CD247: variants seen among roughly 807,000 people sequenced by gnomAD.
The protein encoded by CD247 is CD247 molecule.
CD247 carries 13 observed loss-of-function variants against 30.0 expected under a neutral mutation model. The ratio of observed to expected loss-of-function variants is 0.43; its 90% CI spans 0.28 to 0.69. The LOEUF (loss-of-function observed/expected upper bound fraction) is 0.69, where lower values mean the gene tolerates loss of function less well. Among genes scored for constraint, CD247 ranks in the 30% least tolerant of loss-of-function variants. CD247 has a pLI of 0.16. For missense variants in CD247, 193 were observed against 212.6 expected (o/e 0.91, Z 0.57); for synonymous variants, 72 against 80.0 (o/e 0.90, Z 0.53).
chr1:167,453,945 CAG>C (rs1342850323), intron 1 of CD247, among the ~76,000 whole-genome samples: 1 of 152,008 alleles, frequency 6.6e-6, no homozygotes. Context: ...TCCTGGGCAA[CAG>C]AGTTAGACCC....
At chr1:167,449,139 T>TTTTTC (rs1301191012) in intron 1 of CD247, among the ~76,000 whole-genome samples, 1 of 108,126 alleles carries the variant, frequency 9.2e-6, no homozygotes, top group African/African-American at 3.7e-5. Context: ...TTTGTGATCA[T>TTTTTC]TTTTCTTTTC....
intron 1 of CD247, among the ~76,000 whole-genome samples, chr1:167,492,946 C>G (rs1401314219): frequency 6.6e-6 from 1 of 151,458 alleles, no homozygotes; most frequent in African/African-American, 2.4e-5. Context: ...TATTGTTCTA[C>G]TTTTCTGTTG....
At chr1:167,444,504 G>T (rs840013) in intron 1 of CD247, among the ~76,000 whole-genome samples, 149,504 of 152,310 alleles carry the variant, frequency 0.98, 73,429 homozygotes, top group Middle Eastern at 1. Context: ...CTACCCAAGA[G>T]TACAGCACCC....
chr1:167,442,724 C>T (rs35094449), intron 1 of CD247, among the ~76,000 whole-genome samples: 5,204 of 152,220 alleles, frequency 0.034, 302 homozygotes, highest in African/African-American at 0.12. Flanking sequence ...CCAGTGTCCC[C>T]ACCCCCACCA....
chr1:167,499,279 C>T (rs1030140494), intron 1 of CD247, among the ~76,000 whole-genome samples: 2 of 152,160 alleles, frequency 1.3e-5, no homozygotes, highest in Admixed American at 6.6e-5. Flanking sequence ...TCCCTGGTGC[C>T]CACAGCCACA....
intron 3 of CD247, among the ~76,000 whole-genome samples, chr1:167,439,067 G>A (rs1037757477): frequency 3.5e-4 from 53 of 152,278 alleles, no homozygotes; most frequent in African/African-American, 1.2e-3. Flanking sequence ...GCAAATTGCT[G>A]ATGGCTTGGG....
At chr1:167,505,261 GC>G (rs1655068023) in intron 1 of CD247, among the ~76,000 whole-genome samples, 1 of 152,064 alleles carries the variant, frequency 6.6e-6, no homozygotes, top group Admixed American at 6.6e-5. Context: ...CTCCTGAGTA[GC>G]TTTTTTTGTT....
At chr1:167,438,212 G>A (rs1483715559) in intron 4 of CD247, among the ~76,000 whole-genome samples, 1 of 152,176 alleles carries the variant, frequency 6.6e-6, no homozygotes, top group Non-Finnish European at 1.5e-5. Context: ...GTTATCCAGG[G>A]GTCTTGGGCC....
intron 1 of CD247, among the ~76,000 whole-genome samples, chr1:167,488,428 C>G (rs962282545): frequency 6.6e-6 from 1 of 152,138 alleles, no homozygotes; most frequent in Admixed American, 6.5e-5. Context: ...TGCCAAGGAG[C>G]AGAGTAGGGG....
intron 6 of CD247, among the ~76,000 whole-genome samples, chr1:167,433,655 G>C (rs750556134): frequency 1.1e-4 from 16 of 152,204 alleles, no homozygotes; most frequent in Non-Finnish European, 1.9e-4. Flanking sequence ...AATTGTTGAT[G>C]AACAATTCTT....
At chr1:167,492,945 A>G (rs752728801) in intron 1 of CD247, among the ~76,000 whole-genome samples, 21 of 149,348 alleles carry the variant, frequency 1.4e-4, no homozygotes, top group Non-Finnish European at 2.5e-4. Flanking sequence ...TTATTGTTCT[A>G]CTTTTCTGTT....
intron 4 of CD247, 83 bp from the exon 5 acceptor site, chr1:167,435,517 C>G (rs866365544): frequency 1.8e-6 from 2 of 1,112,102 alleles, no homozygotes; most frequent in South Asian, 1.3e-5. Context: ...ATCCTGCCCC[C>G]TGACTGCAGT....
At chr1:167,484,266 C>T (rs769545837) in intron 1 of CD247, among the ~76,000 whole-genome samples, 2 of 152,210 alleles carry the variant, frequency 1.3e-5, no homozygotes, top group Non-Finnish European at 2.9e-5. Context: ...CAGCTCCCTG[C>T]CCATCTTCCT....
At chr1:167,445,122 T>TCAG (rs1393307480) in intron 1 of CD247, among the ~76,000 whole-genome samples, 4 of 152,028 alleles carry the variant, frequency 2.6e-5, no homozygotes, top group African/African-American at 4.8e-5. Flanking sequence ...GATGGGGTTT[T>TCAG]GCCATGTTGG....
At chr1:167,508,492 G>T (rs1235600547) in intron 1 of CD247, among the ~76,000 whole-genome samples, 1 of 152,196 alleles carries the variant, frequency 6.6e-6, no homozygotes, top group Non-Finnish European at 1.5e-5. Flanking sequence ...GAAAGAAAAA[G>T]GATAATCCTC....
rs1324338936 is a variant in CD247 at position 167,494,129 on chromosome 1, G to A, written c.58+24279C>T. Among the ~76,000 whole-genome samples, 5 of 152,050 alleles carry A rather than the reference G, an allele frequency of 3.3e-5. No homozygotes were observed. The highest frequency in any genetic ancestry group is 1.2e-4 in the African/African-American group (5 of 41,372). ...CAGAGCTAATAGGAGAAGAGGACAAGCAGGGGGACAGAACTGAGTCAGGAG... is the reference window on the plus strand; with the variant it reads ...CAGAGCTAATAGGAGAAGAGGACAAACAGGGGGACAGAACTGAGTCAGGAG... On this transcript the variant is annotated intron_variant, in intron 1 of 7. Coordinates refer to ENST00000362089, the MANE Select transcript of CD247 (RefSeq NM_198053.3). The surrounding 1 kb of genome is among the most constrained non-coding windows in gnomAD (Gnocchi z 7.3).
chr1:167,473,126 C>CACACACACACA, intron 1 of CD247, among the ~76,000 whole-genome samples: 2 of 150,958 alleles, frequency 1.3e-5, no homozygotes, highest in African/African-American at 2.4e-5. Flanking sequence ...CACACACACA[C>CACACACACACA]CCATCTGTAG....
At chr1:167,492,497 GA>G (rs973876828) in intron 1 of CD247, among the ~76,000 whole-genome samples, 2 of 152,076 alleles carry the variant, frequency 1.3e-5, no homozygotes, top group African/African-American at 2.4e-5. Flanking sequence ...GTGCACAAAG[GA>G]AAAAAAGAAG....
At chr1:167,485,876 G>T (rs763972955) in intron 1 of CD247, among the ~76,000 whole-genome samples, 3 of 152,272 alleles carry the variant, frequency 2.0e-5, no homozygotes, top group East Asian at 1.9e-4. Flanking sequence ...GTGGATGTTG[G>T]GGGTGGGGAA....
Sources: gnomAD v4.1 joint callset for allele counts (sites outside exome capture counted in the v4.1 genomes callset) on GRCh38, gnomAD v4.1.1 for gene constraint, Gnocchi (gnomAD v3.1) non-coding constraint, MANE v1.5 for transcripts, NCBI Gene and HGNC (gene_info 2026-07-23, HGNC 2026-07-21) for gene names.